PBX1: variants seen among roughly 807,000 people sequenced by gnomAD.
The protein encoded by PBX1 is pre-B-cell leukemia transcription factor 1.
Under a neutral mutation model 53.4 loss-of-function variants are expected in PBX1, and 6 were observed. That is an observed-to-expected ratio of 0.11 (90% confidence interval 0.06 to 0.22). PBX1 has a LOEUF of 0.22. Among genes scored for constraint, PBX1 ranks in the 10% least tolerant of loss-of-function variants. PBX1 has a pLI of 1.00. For missense variants in PBX1, 251 were observed against 551.4 expected (o/e 0.46, Z 5.46); for synonymous variants, 204 against 212.3 (o/e 0.96, Z 0.34).
At chr1:164,633,989 C>G (rs1658581566) in intron 2 of PBX1, among the ~76,000 whole-genome samples, 1 of 152,218 alleles carries the variant, frequency 6.6e-6, no homozygotes, top group African/African-American at 2.4e-5. Flanking sequence ...GAGGAAGGAG[C>G]TCTGTTGTAA....
intron 2 of PBX1, among the ~76,000 whole-genome samples, chr1:164,694,290 A>G (rs776552600): frequency 8.5e-5 from 13 of 152,068 alleles, no homozygotes; most frequent in African/African-American, 2.7e-4. Context: ...GTTAACTTCA[A>G]TGTTGCCTCC....
intron 8 of PBX1, among the ~76,000 whole-genome samples, chr1:164,833,632 T>C (rs1280307337): frequency 1.3e-5 from 2 of 152,216 alleles, no homozygotes; most frequent in East Asian, 3.9e-4. Context: ...CTCTAGACCA[T>C]AGAATTCTGA....
chr1:164,644,350 G>A (rs562164550), intron 2 of PBX1, among the ~76,000 whole-genome samples: 6 of 152,150 alleles, frequency 3.9e-5, no homozygotes, highest in South Asian at 4.1e-4. Context: ...AAAGTAAACC[G>A]CAAATGAAAT....
chr1:164,766,287 T>C (rs565752132), intron 2 of PBX1, among the ~76,000 whole-genome samples: 2 of 152,336 alleles, frequency 1.3e-5, no homozygotes, highest in East Asian at 1.9e-4. Flanking sequence ...TGAGCAGTGA[T>C]TGTAGAAACA....
At chr1:164,647,709 G>T (rs1240307752) in intron 2 of PBX1, among the ~76,000 whole-genome samples, 1 of 151,962 alleles carries the variant, frequency 6.6e-6, no homozygotes, top group Admixed American at 6.6e-5. Flanking sequence ...ATCACCTGGG[G>T]AACTTTTAAA....
At chr1:164,854,988 A>T (rs1429912810), downstream of PBX1, among the ~76,000 whole-genome samples, 10 of 120,808 alleles carry the variant, frequency 8.3e-5, no homozygotes, top group East Asian at 2.3e-4. Flanking sequence ...TTGCTGTTTC[A>T]CCAGGCTGGA....
At chr1:164,689,954 T>C (rs1662364022) in intron 2 of PBX1, among the ~76,000 whole-genome samples, 1 of 152,162 alleles carries the variant, frequency 6.6e-6, no homozygotes, top group Non-Finnish European at 1.5e-5. Context: ...ACAAGCTACA[T>C]TTCTTTATGG....
intron 2 of PBX1, among the ~76,000 whole-genome samples, chr1:164,593,417 C>T (rs558808386): frequency 3.3e-5 from 5 of 152,190 alleles, no homozygotes; most frequent in African/African-American, 1.2e-4. Context: ...TTAATCTATG[C>T]CCCCAAAAGG....
At chr1:164,604,009 C>T (rs377576674) in intron 2 of PBX1, among the ~76,000 whole-genome samples, 2 of 134,322 alleles carry the variant, frequency 1.5e-5, no homozygotes, top group African/African-American at 2.9e-5. Context: ...GGCACGATCA[C>T]GGCTCACTGC....
chr1:164,673,465 CT>C (rs1171916726), intron 2 of PBX1, among the ~76,000 whole-genome samples: 3,780 of 109,378 alleles, frequency 0.035, 16 homozygotes, highest in South Asian at 0.076. Context: ...AAATTACTAA[CT>C]TTTTTTTTTT....
intron 2 of PBX1, among the ~76,000 whole-genome samples, chr1:164,861,245 T>C (rs994735203): frequency 6.6e-6 from 1 of 152,110 alleles, no homozygotes; most frequent in Non-Finnish European, 1.5e-5. Context: ...GAACGAGGCC[T>C]CAAAGTGATT....
intron 2 of PBX1, among the ~76,000 whole-genome samples, chr1:164,710,208 A>G (rs1663673563): frequency 6.6e-6 from 1 of 152,174 alleles, no homozygotes; most frequent in African/African-American, 2.4e-5. Flanking sequence ...ACTGATGTCA[A>G]AAGAAGAGGG....
chr1:164,849,885 C>T lies in PBX1; in HGVS notation c.*3209C>T, dbSNP rs1250098825. 5 of 229,898 alleles carry T rather than the reference C, an allele frequency of 2.2e-5. No individual in the cohort carries two copies. Among genetic ancestry groups the T allele is most frequent in the Non-Finnish European group, 3.4e-5 (4 of 116,140 alleles). 14.2% of individuals were successfully genotyped at this position (229,898 alleles called of 1,614,324 possible). On this transcript the variant is annotated 3_prime_UTR_variant, in exon 9 of 9. Transcript: ENST00000420696. The stretch of plus-strand genomic sequence containing the variant: ...ACCAAAAAAGATGAAACTACAGAAA[C>T]TCAAATTTAAAAAAAACTTTAAAAG...
intron 2 of PBX1, among the ~76,000 whole-genome samples, chr1:164,874,205 T>C (rs1672449367): frequency 6.6e-6 from 1 of 152,148 alleles, no homozygotes; most frequent in Non-Finnish European, 1.5e-5. Context: ...CTTCACCCTA[T>C]AGAATATAAC....
chr1:164,586,972 G>A (rs1291314418), intron 2 of PBX1, among the ~76,000 whole-genome samples: 2 of 152,018 alleles, frequency 1.3e-5, no homozygotes, highest in African/African-American at 4.8e-5. Flanking sequence ...TTTGAATGTC[G>A]ACCTCACACC....
chr1:164,834,220 T>A (rs978793993), intron 8 of PBX1, among the ~76,000 whole-genome samples: 1 of 152,094 alleles, frequency 6.6e-6, no homozygotes, highest in Non-Finnish European at 1.5e-5. Flanking sequence ...TGAGACTTAT[T>A]ATTACTCAGA....
chr1:164,761,774 C>T (rs189552802), intron 2 of PBX1, among the ~76,000 whole-genome samples: 1 of 152,200 alleles, frequency 6.6e-6, no homozygotes, highest in African/African-American at 2.4e-5. Flanking sequence ...GTCATTTTAG[C>T]AAATTGTAAA....
At chr1:164,667,471 G>A (rs1464503720) in intron 2 of PBX1, among the ~76,000 whole-genome samples, 2 of 151,850 alleles carry the variant, frequency 1.3e-5, no homozygotes, top group Non-Finnish European at 2.9e-5. Context: ...TACAGGCAGA[G>A]CAATAACTTC....
chr1:164,794,748 G>A (rs1450037256), intron 3 of PBX1, among the ~76,000 whole-genome samples: 4 of 152,166 alleles, frequency 2.6e-5, no homozygotes, highest in African/African-American at 9.7e-5. Flanking sequence ...ATTACCCAAT[G>A]TTCTTCCTAA....
Sources: allele counts gnomAD v4.1 joint callset (sites outside exome capture counted in the v4.1 genomes callset), GRCh38; gene constraint gnomAD v4.1.1; transcripts MANE v1.5; gene names NCBI Gene and HGNC (gene_info 2026-07-23, HGNC 2026-07-21).